SATB2: variants seen among roughly 807,000 people sequenced by gnomAD.
The protein encoded by SATB2 is DNA-binding protein SATB2.
Under a neutral mutation model 73.4 loss-of-function variants are expected in SATB2, and 1 was observed. The observed-to-expected ratio is 0.01, with a 90% CI of 0.00 to 0.06. The LOEUF is 0.06. Ranked by LOEUF, SATB2 falls within the 10% of genes least tolerant of loss-of-function variation. SATB2 has a pLI of 1.00. For missense variants in SATB2, 459 were observed against 945.8 expected, an observed-to-expected ratio of 0.49 and a Z score of 6.75; for synonymous variants, 397 against 367.0, an observed-to-expected ratio of 1.08 and a Z score of -0.93.
intron 3 of SATB2, among the ~76,000 whole-genome samples, chr2:199,383,066 G>C (rs1689826271): frequency 2.6e-5 from 4 of 152,134 alleles, no homozygotes; most frequent in Admixed American, 2.0e-4. Flanking sequence ...CATAATGCTT[G>C]AAAACAGGGA....
intron 9 of SATB2, 111 bp downstream of exon 9, chr2:199,323,692 T>G: frequency 8.4e-7 from 1 of 1,183,532 alleles, no homozygotes; most frequent in Non-Finnish European, 1.2e-6. Context: ...ACAGGTTTCT[T>G]GGGGGTTATT....
Position 199,380,400 on chromosome 2 carries a change from G to T in SATB2, c.561C>A (p.Asn187Lys). The T allele has an allele frequency of 6.2e-7, 1 of 1,613,954 alleles. No individual in the cohort carries two copies. The highest frequency in any genetic ancestry group is 8.5e-7 in the Non-Finnish European group (1 of 1,179,840). Residue 187 changes from asparagine (N) to lysine (K), a missense_variant, in exon 5 of 11, where the codon AAC (asparagine) becomes AAA (lysine). Physicochemically the swap from Asn to Lys is moderately conservative, Grantham distance 94. Around this residue, in one of 13 missense-constraint regions of SATB2, gnomAD observed 56 missense variants for 183.7 expected, o/e 0.30. Transcript: ENST00000417098. ...NALKELLKEM[N>K]QSTLAKECPL... ...GGCATTCTTTGGCTAATGTGCTCTG[G>T]TTCATCTCTTTGAGCAGTTCCTTTA...
At chr2:199,380,523 C>A in intron 4 of SATB2, 36 bp from the exon 5 acceptor site, 1 of 1,605,106 alleles carries the variant, frequency 6.2e-7, no homozygotes, top group Non-Finnish European at 8.5e-7. Flanking sequence ...ATACACAAAC[C>A]TCAACCAGGG....
chr2:199,417,661 A>G (rs1691034121), intron 3 of SATB2, among the ~76,000 whole-genome samples: 1 of 152,216 alleles, frequency 6.6e-6, no homozygotes, highest in African/African-American at 2.4e-5. Flanking sequence ...CTATCAGTGA[A>G]TATTTAAAGT....
At chr2:199,290,694 G>C (rs1185561739) in intron 10 of SATB2, among the ~76,000 whole-genome samples, 1 of 152,112 alleles carries the variant, frequency 6.6e-6, no homozygotes, top group Admixed American at 6.5e-5. Context: ...AAATCTGATT[G>C]AAAATTATTA....
In SATB2 at chr2:199,348,744, A is replaced by T; in HGVS notation, c.1130T>A (p.Val377Glu). The T allele has an allele frequency of 6.3e-7, 1 of 1,588,882 alleles. No homozygotes were observed. Among genetic ancestry groups the T allele is most frequent in the Middle Eastern group, 1.7e-4 (1 of 5,894 alleles). The change falls in exon 7 of 11, where the codon GTG becomes GAG. Residue 377 changes from valine (V) to glutamate (E), a missense_variant. Physicochemically the swap from Val to Glu is moderately radical, Grantham distance 121 (BLOSUM62 -2). Transcript: ENST00000417098. ...CACTCTTGCAAAGACAGCTTGGGAC[A>T]CACTGGCCCTCTTCAGCTCATCTCT... is the stretch of plus-strand genomic sequence containing the variant. ...QVRDELKRASVSQAVFARVAF... is the reference protein window; with the variant it reads ...QVRDELKRASESQAVFARVAF...
chr2:199,437,397 A>G (rs1261297016), intron 2 of SATB2, among the ~76,000 whole-genome samples: 1 of 152,234 alleles, frequency 6.6e-6, no homozygotes, highest in Non-Finnish European at 1.5e-5. Flanking sequence ...AACTGTCATT[A>G]GTGATGATAC....
At chr2:199,333,279 G>T (rs956131000) in intron 7 of SATB2, among the ~76,000 whole-genome samples, 4 of 152,058 alleles carry the variant, frequency 2.6e-5, no homozygotes, top group Non-Finnish European at 5.9e-5. Flanking sequence ...ACCATATGAT[G>T]GGAAGGAGAA....
rs1426625568 is a variant in SATB2, at chr2:199,328,958, A to G, written c.1174-48T>C. 2.7e-6 allele frequency: 4 copies of G among 1,467,952 alleles called. No homozygotes were observed. The African/African-American group carries it at 5.5e-5, about 20-fold the overall frequency. 90.9% of individuals were successfully genotyped at this position (1,467,952 alleles called of 1,614,324 possible). On this transcript the variant is annotated intron_variant, in intron 7 of 10. Coordinates refer to ENST00000417098, the MANE Select transcript of SATB2 (RefSeq NM_001172509.2). Reference sequence around the variant, plus strand: ...CAGACCAAGTCACATTTGCAGGTATATGTGTGTGGTTTCTGTCTTCCACCC... The same window carrying G: ...CAGACCAAGTCACATTTGCAGGTATGTGTGTGTGGTTTCTGTCTTCCACCC...
At chr2:199,433,560 A>G (rs753304519) in intron 2 of SATB2, 46 bp from the exon 3 acceptor site, 1 of 1,559,394 alleles carries the variant, frequency 6.4e-7, no homozygotes, top group Non-Finnish European at 8.8e-7. Context: ...TTAAAAAGCA[A>G]ATCTCAGTCA....
At chr2:199,385,728 T>C (rs1689911709) in intron 3 of SATB2, among the ~76,000 whole-genome samples, 2 of 152,102 alleles carry the variant, frequency 1.3e-5, no homozygotes, top group African/African-American at 4.8e-5. Flanking sequence ...AGAGGCAAAC[T>C]AGAAGAAAAG....
At chr2:199,314,815 T>A (rs1487388918) in intron 9 of SATB2, among the ~76,000 whole-genome samples, 2 of 152,114 alleles carry the variant, frequency 1.3e-5, no homozygotes. Flanking sequence ...CTTAATCTTA[T>A]GGGCCCTAGG....
intron 3 of SATB2, among the ~76,000 whole-genome samples, chr2:199,429,684 C>T (rs981343532): frequency 6.6e-5 from 10 of 152,140 alleles, no homozygotes; most frequent in Non-Finnish European, 1.2e-4. Context: ...CCGAGGTGGG[C>T]GGATCACCTG....
intron 3 of SATB2, among the ~76,000 whole-genome samples, chr2:199,403,111 T>C (rs1285577088): frequency 1.3e-5 from 2 of 152,152 alleles, no homozygotes; most frequent in African/African-American, 4.8e-5. Flanking sequence ...TCCTAGTTAA[T>C]GAATCAAAAA....
At chr2:199,351,768 GC>G (rs1688826075) in intron 6 of SATB2, among the ~76,000 whole-genome samples, 1 of 152,064 alleles carries the variant, frequency 6.6e-6, no homozygotes, top group East Asian at 1.9e-4. Context: ...ATTCACTTTT[GC>G]TTGTTTATTT....
intron 3 of SATB2, among the ~76,000 whole-genome samples, chr2:199,392,690 C>A (rs910116017): frequency 6.6e-6 from 1 of 152,100 alleles, no homozygotes; most frequent in Non-Finnish European, 1.5e-5. Context: ...GTGGATAACT[C>A]GCTTACCCTC....
At chr2:199,326,459 C>G (rs1688031022) in intron 8 of SATB2, among the ~76,000 whole-genome samples, 1 of 152,026 alleles carries the variant, frequency 6.6e-6, no homozygotes, top group Admixed American at 6.6e-5. Flanking sequence ...ACTGTGGGGC[C>G]TTGTAAGTCA....
intron 10 of SATB2, among the ~76,000 whole-genome samples, chr2:199,287,586 T>TG (rs577771494): frequency 1.1e-3 from 169 of 149,030 alleles, no homozygotes; most frequent in Admixed American, 9.2e-3. Flanking sequence ...AGGGGTGTGG[T>TG]GGGGGGGGAG....
chr2:199,383,046 C>T (rs1337397889), intron 3 of SATB2, among the ~76,000 whole-genome samples: 3 of 152,070 alleles, frequency 2.0e-5, no homozygotes, highest in Non-Finnish European at 4.4e-5. Context: ...AATGAATGCG[C>T]AATGCTTGAC....
Sources: gnomAD v4.1 joint callset for allele counts (sites outside exome capture counted in the v4.1 genomes callset) on GRCh38, gnomAD v4.1.1 for gene constraint, gnomAD v4.1.1 regional missense constraint, MANE v1.5 for transcripts, NCBI Gene and HGNC (gene_info 2026-07-23, HGNC 2026-07-21) for gene names.